SLC24A2: variants seen among roughly 807,000 people sequenced by gnomAD.
The protein encoded by SLC24A2 is sodium/potassium/calcium exchanger 2.
A neutral mutation model predicts 62.0 loss-of-function variants in SLC24A2; 36 were observed. That is an observed-to-expected ratio of 0.58 (90% confidence interval 0.44 to 0.77). SLC24A2 has a LOEUF of 0.77. Ranked by LOEUF, SLC24A2 falls within the 30% of genes least tolerant of loss-of-function variation. SLC24A2 has a pLI of 0.00. For synonymous variants in SLC24A2, 358 were observed against 294.0 expected (o/e 1.22, Z -2.23); for missense variants, 846 against 817.9 (o/e 1.03, Z -0.42).
intron 2 of SLC24A2, among the ~76,000 whole-genome samples, chr9:19,712,217 T>C (rs1288472779): frequency 6.6e-6 from 1 of 152,232 alleles, no homozygotes; most frequent in Non-Finnish European, 1.5e-5. Flanking sequence ...GTGATGTGGC[T>C]AGTACACTGG....
chr9:19,717,186 G>A (rs1820884590), intron 2 of SLC24A2, among the ~76,000 whole-genome samples: 2 of 152,184 alleles, frequency 1.3e-5, no homozygotes, highest in African/African-American at 2.4e-5. Flanking sequence ...CTAGCATCCT[G>A]GAAAACAGGC....
the SLC24A2 span, among the ~76,000 whole-genome samples, chr9:20,298,439 G>C: frequency 6.6e-6 from 1 of 152,220 alleles, no homozygotes; most frequent in East Asian, 1.9e-4. Context: ...ACGTTGGCCT[G>C]GCTGGTCTTG....
intron 7 of SLC24A2, among the ~76,000 whole-genome samples, chr9:19,561,029 A>T (rs996644046): frequency 5.3e-5 from 8 of 150,924 alleles, no homozygotes; most frequent in Non-Finnish European, 1.0e-4. Flanking sequence ...AGGTTTGAGG[A>T]ATTCTCTTTC....
At chr9:19,531,761 G>A (rs1833721218) in intron 8 of SLC24A2, among the ~76,000 whole-genome samples, 1 of 125,756 alleles carries the variant, frequency 8.0e-6, no homozygotes, top group Non-Finnish European at 1.5e-5. Flanking sequence ...GACTGGTATT[G>A]AAATCTCTGC....
At chr9:20,033,961 C>G in the SLC24A2 span, among the ~76,000 whole-genome samples, 1 of 152,170 alleles carries the variant, frequency 6.6e-6, no homozygotes. Flanking sequence ...TGCAAGAAGC[C>G]AAGAACTCAT....
At chr9:19,889,881 A>C in the SLC24A2 span, among the ~76,000 whole-genome samples, 2 of 152,188 alleles carry the variant, frequency 1.3e-5, no homozygotes, top group Non-Finnish European at 2.9e-5. Context: ...GTTTTGAAAT[A>C]TCTATTTAAA....
the SLC24A2 span, among the ~76,000 whole-genome samples, chr9:19,941,590 T>TGTGTGTGTGTGTGAGA: frequency 0.012 from 1,522 of 127,858 alleles, 21 homozygotes; most frequent in East Asian, 0.033. Context: ...TGTGTGTGTG[T>TGTGTGTGTGTGTGAGA]GAGAGAGAGA....
chr9:19,822,037 T>C, the SLC24A2 span, among the ~76,000 whole-genome samples: 1 of 152,148 alleles, frequency 6.6e-6, no homozygotes, highest in Non-Finnish European at 1.5e-5. Context: ...TCTATAGCAG[T>C]GGTTCCCAAC....
chr9:20,024,711 A>G, the SLC24A2 span, among the ~76,000 whole-genome samples: 1 of 152,172 alleles, frequency 6.6e-6, no homozygotes, highest in African/African-American at 2.4e-5. Flanking sequence ...TTTAAAGAAG[A>G]TCAGGTCACA....
At chr9:20,287,676 T>C in the SLC24A2 span, among the ~76,000 whole-genome samples, 1 of 152,170 alleles carries the variant, frequency 6.6e-6, no homozygotes, top group Non-Finnish European at 1.5e-5. Context: ...AGTTGAGCAA[T>C]GAGGGAAATC....
the SLC24A2 span, among the ~76,000 whole-genome samples, chr9:19,917,870 C>G: frequency 6.6e-6 from 1 of 152,006 alleles, no homozygotes; most frequent in Non-Finnish European, 1.5e-5. Flanking sequence ...ATATTTAGAA[C>G]TTTAACAACA....
chr9:20,238,455 C>T, the SLC24A2 span, among the ~76,000 whole-genome samples: 5 of 152,032 alleles, frequency 3.3e-5, no homozygotes, highest in African/African-American at 4.8e-5. Flanking sequence ...CACCCCAGAT[C>T]GAGGAAAGAA....
chr9:19,962,132 C>T, the SLC24A2 span, among the ~76,000 whole-genome samples: 1 of 152,174 alleles, frequency 6.6e-6, no homozygotes, highest in African/African-American at 2.4e-5. Flanking sequence ...ATTCCATGAA[C>T]TTTTATGGAC....
chr9:20,305,108 AC>A, the SLC24A2 span, among the ~76,000 whole-genome samples: 1 of 138,394 alleles, frequency 7.2e-6, no homozygotes, highest in Non-Finnish European at 1.5e-5. Context: ...ATAGGATAAT[AC>A]CTTTTTTTTT....
chr9:19,768,007 A>T (rs1169591829), intron 2 of SLC24A2, among the ~76,000 whole-genome samples: 1 of 152,138 alleles, frequency 6.6e-6, no homozygotes, highest in African/African-American at 2.4e-5. Context: ...GTGCTAGCTC[A>T]GGTCTTTCTT....
chr9:20,064,201 GA>G, the SLC24A2 span, among the ~76,000 whole-genome samples: 30 of 151,464 alleles, frequency 2.0e-4, no homozygotes, highest in African/African-American at 5.1e-4. Context: ...TATGGTAAAC[GA>G]AAAAAAAGTG....
chr9:19,656,392 C>T (rs141739989), intron 2 of SLC24A2, among the ~76,000 whole-genome samples: 4 of 152,190 alleles, frequency 2.6e-5, no homozygotes, highest in African/African-American at 9.6e-5. Flanking sequence ...CTCATTTTGG[C>T]CTTCAAAACT....
At chr9:19,536,145 C>CTT (rs536617129) in intron 8 of SLC24A2, among the ~76,000 whole-genome samples, 2 of 114,724 alleles carry the variant, frequency 1.7e-5, no homozygotes, top group East Asian at 2.5e-4. Flanking sequence ...CTCTGTTTGT[C>CTT]TTTTTTTTTT....
the SLC24A2 span, among the ~76,000 whole-genome samples, chr9:19,806,921 G>A: frequency 1.4e-4 from 21 of 152,206 alleles, no homozygotes; most frequent in East Asian, 7.7e-4. Context: ...TAAAGACTCC[G>A]TACTAGACAA....
Sources: allele counts gnomAD v4.1 joint callset (sites outside exome capture counted in the v4.1 genomes callset), GRCh38; gene constraint gnomAD v4.1.1; transcripts MANE v1.5; gene names NCBI Gene and HGNC (gene_info 2026-07-23, HGNC 2026-07-21).